ACBD6: variants seen among roughly 807,000 people sequenced by gnomAD.
ACBD6 encodes the protein acyl-CoA-binding domain-containing protein 6.
In ACBD6, 28 loss-of-function variants were observed where a neutral mutation model predicts 37.2. The observed-to-expected ratio is 0.75, with a 90% confidence interval of 0.56 to 1.03. The LOEUF (loss-of-function observed/expected upper bound fraction) is 1.03. Among genes scored for constraint, ACBD6 ranks in the 50% least tolerant of loss-of-function variants. The pLI, the probability that ACBD6 is intolerant of heterozygous loss-of-function variation, is 0.00. For synonymous variants in ACBD6, 113 were observed against 126.8 expected (o/e 0.89, Z 0.73); for missense variants, 340 against 337.4 (o/e 1.01, Z -0.06).
chr1:180,341,519 A>G (rs1186485055), intron 6 of ACBD6, among the ~76,000 whole-genome samples: 2 of 152,078 alleles, frequency 1.3e-5, no homozygotes, highest in Admixed American at 6.6e-5. Flanking sequence ...TATTTTCTGT[A>G]TAGGTTCCAT....
intron 6 of ACBD6, among the ~76,000 whole-genome samples, chr1:180,354,061 A>G (rs545979020): frequency 2.0e-5 from 3 of 152,220 alleles, no homozygotes; most frequent in East Asian, 1.9e-4. Context: ...CCTATCCCCA[A>G]TTCACCAGGG....
chr1:180,435,867 T>C, intron 3 of ACBD6: 1 of 1,349,250 alleles, frequency 7.4e-7, no homozygotes, highest in Non-Finnish European at 1.1e-6. Flanking sequence ...AAATTGACAC[T>C]GTCAGCTCTT....
At chr1:180,492,944 G>T (rs567082914) in intron 2 of ACBD6, among the ~76,000 whole-genome samples, 1 of 151,918 alleles carries the variant, frequency 6.6e-6, no homozygotes, top group East Asian at 1.9e-4. Context: ...GTAAGGGATG[G>T]TGAGGGCAGA....
intron 6 of ACBD6, 87 bp from the exon 7 acceptor site, chr1:180,314,809 A>T: frequency 1.0e-6 from 1 of 1,002,532 alleles, no homozygotes; most frequent in Non-Finnish European, 1.6e-6. Flanking sequence ...TTTATCTGAT[A>T]TACCAAAGTT....
chr1:180,317,464 C>T (rs1202916813), intron 6 of ACBD6, among the ~76,000 whole-genome samples: 4 of 152,090 alleles, frequency 2.6e-5, no homozygotes, highest in Admixed American at 6.6e-5. Context: ...TACTTAATGC[C>T]ACTGAACTGT....
intron 3 of ACBD6, among the ~76,000 whole-genome samples, chr1:180,480,391 T>A (rs1650982778): frequency 6.6e-6 from 1 of 152,298 alleles, no homozygotes; most frequent in South Asian, 2.1e-4. Flanking sequence ...TGGTAACTAA[T>A]TAAATAGGTC....
chr1:180,352,474 C>A (rs1366667451), intron 6 of ACBD6, among the ~76,000 whole-genome samples: 2 of 152,022 alleles, frequency 1.3e-5, no homozygotes, highest in Non-Finnish European at 2.9e-5. Context: ...CAGGTGTGAG[C>A]CTCCGCACCC....
chr1:180,407,074 GATT>G (rs147156682), intron 5 of ACBD6, among the ~76,000 whole-genome samples: 15,798 of 152,140 alleles, frequency 0.1, 1,161 homozygotes, highest in African/African-American at 0.2. Context: ...GTTTGATTTT[GATT>G]TTAAGCTCCC....
intron 3 of ACBD6, among the ~76,000 whole-genome samples, chr1:180,478,786 T>C (rs1571562549): frequency 6.6e-6 from 1 of 152,150 alleles, no homozygotes; most frequent in East Asian, 1.9e-4. Context: ...ACCCAGCCTA[T>C]AAATCCCTTT....
At chr1:180,437,603 G>T (rs1464945145) in intron 3 of ACBD6, among the ~76,000 whole-genome samples, 1 of 152,100 alleles carries the variant, frequency 6.6e-6, no homozygotes, top group Non-Finnish European at 1.5e-5. Flanking sequence ...GATTTTATAT[G>T]TAAAAAAATC....
intron 7 of ACBD6, among the ~76,000 whole-genome samples, chr1:180,290,047 G>A (rs1305686636): frequency 6.6e-6 from 1 of 152,200 alleles, no homozygotes; most frequent in Non-Finnish European, 1.5e-5. Context: ...AAGCTAAGTA[G>A]TGGGTAAATT....
chr1:180,291,774 T>C (rs79470390), intron 7 of ACBD6, among the ~76,000 whole-genome samples: 10,988 of 152,222 alleles, frequency 0.072, 1,228 homozygotes, highest in African/African-American at 0.24. Flanking sequence ...TACACCAAGA[T>C]CACAAAGATA....
intron 6 of ACBD6, among the ~76,000 whole-genome samples, chr1:180,367,926 T>G (rs1242848156): frequency 6.6e-6 from 1 of 152,192 alleles, no homozygotes; most frequent in Non-Finnish European, 1.5e-5. Context: ...ATTGCTGGGT[T>G]GAATGGTAGT....
intron 3 of ACBD6, among the ~76,000 whole-genome samples, chr1:180,479,401 A>G (rs1436206234): frequency 6.6e-6 from 1 of 152,210 alleles, no homozygotes; most frequent in Non-Finnish European, 1.5e-5. Flanking sequence ...ACAAAAAGAC[A>G]AATATCACTT....
At chr1:180,375,567 C>T (rs1045120348) in intron 6 of ACBD6, among the ~76,000 whole-genome samples, 1 of 152,172 alleles carries the variant, frequency 6.6e-6, no homozygotes, top group Non-Finnish European at 1.5e-5. Flanking sequence ...CTCAAGGGAT[C>T]ATCCTGCCTT....
At chr1:180,387,120 A>G (rs1426388211) in intron 6 of ACBD6, among the ~76,000 whole-genome samples, 2 of 152,108 alleles carry the variant, frequency 1.3e-5, no homozygotes, top group Non-Finnish European at 2.9e-5. Flanking sequence ...TTACAGTACT[A>G]TTTGGGTCTG....
intron 3 of ACBD6, among the ~76,000 whole-genome samples, chr1:180,434,242 T>C (rs879580183): frequency 3.9e-5 from 6 of 152,204 alleles, no homozygotes; most frequent in Non-Finnish European, 7.3e-5. Flanking sequence ...AGACTCTTTG[T>C]ATCAATAAGA....
intron 2 of ACBD6, among the ~76,000 whole-genome samples, chr1:180,493,005 T>C (rs1039273533): frequency 3.3e-5 from 5 of 151,742 alleles, no homozygotes; most frequent in Admixed American, 3.3e-4. Context: ...TCCCAGCACT[T>C]TGGGAGGCTG....
chr1:180,383,389 C>T (rs1444364148), intron 6 of ACBD6, among the ~76,000 whole-genome samples: 2 of 151,950 alleles, frequency 1.3e-5, no homozygotes, highest in Non-Finnish European at 2.9e-5. Context: ...TTTCCGTACC[C>T]CAATAATGAA....
Sources: allele counts gnomAD v4.1 joint callset (sites outside exome capture counted in the v4.1 genomes callset), GRCh38; gene constraint gnomAD v4.1.1; transcripts MANE v1.5; gene names NCBI Gene and HGNC (gene_info 2026-07-23, HGNC 2026-07-21).